RNF213: variants seen among roughly 807,000 people sequenced by gnomAD.
RNF213 encodes E3 ubiquitin-protein ligase RNF213.
RNF213 carries 341 observed loss-of-function variants against 514.4 expected under a neutral mutation model. The ratio of observed to expected loss-of-function variants is 0.66; its 90% CI spans 0.61 to 0.73. The LOEUF (loss-of-function observed/expected upper bound fraction) is 0.73, where lower values mean the gene tolerates loss of function less well. RNF213 is among the 30% of genes least tolerant of loss of function. The pLI, the probability that RNF213 is intolerant of heterozygous loss-of-function variation, is 0.00. For missense variants in RNF213, 5,767 were observed against 6,615.6 expected (o/e 0.87, Z 4.45); for synonymous variants, 2,655 against 2,658.2 (o/e 1.00, Z 0.04).
intron 67 of RNF213, among the ~76,000 whole-genome samples, chr17:80,391,474 CGT>C (rs750449941): frequency 2.6e-4 from 40 of 151,996 alleles, no homozygotes; most frequent in Non-Finnish European, 5.3e-4. Flanking sequence ...GGTTTCTCCA[CGT>C]GGCCAGGCTG....
chr17:80,373,492 GCT>G (rs2079609240), intron 49 of RNF213, among the ~76,000 whole-genome samples: 1 of 151,978 alleles, frequency 6.6e-6, no homozygotes, highest in African/African-American at 2.4e-5. Flanking sequence ...TACACTGCCT[GCT>G]GTAGGGCCAA....
Position 80,319,378 on chromosome 17 carries a change from A to G in RNF213, c.3024+66A>G, listed in dbSNP as rs113759108. On this transcript the variant is annotated intron_variant, in intron 17 of 67. Transcript: ENST00000582970. ...AGCTGTGTTCTGCCATGACCCAGCT[A>G]AGGGCTATGAAGCACCCGCTGGGTC... 6 of 1,614,218 alleles carry G rather than the reference A, an allele frequency of 3.7e-6. No homozygotes were observed. The African/African-American group carries it at 4.0e-5, about 11-fold the overall frequency.
At position 80,374,380 on chromosome 17, in the gene RNF213, G is replaced by C; in HGVS notation, c.12943-78G>C. Reference sequence around the variant, plus strand: ...TTAAACCTCGAATGATCAACCACCTGGTTCCTGTACCCGTTCAGACGGTTC... The same window carrying C: ...TTAAACCTCGAATGATCAACCACCTCGTTCCTGTACCCGTTCAGACGGTTC... On this transcript the variant is annotated intron_variant, in intron 49 of 67. Coordinates refer to ENST00000582970, the MANE Select transcript of RNF213 (RefSeq NM_001256071.3). 2.5e-6 allele frequency: 4 copies of C among 1,589,670 alleles called. No homozygotes were observed. The South Asian group carries it at 3.3e-5, about 13-fold the overall frequency.
At chr17:80,285,827 C>A (rs191881234) in intron 3 of RNF213, among the ~76,000 whole-genome samples, 148 of 152,192 alleles carry the variant, frequency 9.7e-4, no homozygotes, top group African/African-American at 3.1e-3. Flanking sequence ...CCTGCCACCA[C>A]GCCCAGCTAA....
Position 80,389,340 on chromosome 17 carries a change from G to A in RNF213, c.15168G>A (p.Met5056Ile), listed in dbSNP as rs763938536. Residue 5056 changes from methionine to isoleucine, a missense_variant, in exon 65 of 68, where the codon ATG (methionine) becomes ATA (isoleucine). Transcript: ENST00000582970. ...LNVYTQDILQ[M>I]GDQTIHVLKA... ...TGTATACTCAAGACATCCTGCAAAT[G>A]GGTGATCAGACGATTCACGTGTTAA... 1.2e-6 allele frequency: 2 copies of A among 1,614,074 alleles called. No homozygotes were observed. The highest frequency in any genetic ancestry group is 1.7e-6 in the Non-Finnish European group (2 of 1,180,044).
chr17:80,268,369 AAAAAAAAAAAG>A (rs1025842692), intron 2 of RNF213, among the ~76,000 whole-genome samples: 3 of 144,834 alleles, frequency 2.1e-5, no homozygotes, highest in Non-Finnish European at 4.6e-5. Context: ...AAAAAAAAAA[AAAAAAAAAAAG>A]GCAGTACTGC....
rs1209438146 is a variant in RNF213 at position 80,379,665 on chromosome 17, C to T, written c.13591C>T (p.Pro4531Ser). ...EQSICIDCHA[P>S]IGGIDHKPRD... is the part of the protein sequence containing the mutation. Reference sequence around the variant, plus strand: ...GAGCATCTGCATTGACTGCCATGCGCCGATTGGAGGCATTGACCACAAACC... The same window carrying T: ...GAGCATCTGCATTGACTGCCATGCGTCGATTGGAGGCATTGACCACAAACC... The change falls in exon 55 of 68, where the codon CCG becomes TCG. Residue 4531 changes from proline to serine, a missense_variant. By Grantham distance (74) the Pro-to-Ser change is moderately conservative. Around this residue, in one of 13 missense-constraint regions of RNF213, gnomAD observed 1,245 missense variants for 1,339.0 expected, o/e 0.93. Transcript: ENST00000582970. 1 of 1,614,226 alleles carries T rather than the reference C, an allele frequency of 6.2e-7. No individual in the cohort carries two copies. The highest frequency in any genetic ancestry group is 8.5e-7 in the Non-Finnish European group (1 of 1,180,044).
intron 41 of RNF213, 27 bp from the exon 42 acceptor site, chr17:80,364,398 CGAGTGAGT>C (rs563890194): frequency 2.5e-5 from 41 of 1,613,546 alleles, no homozygotes; most frequent in East Asian, 1.1e-4. Context: ...TGGTGGGAGC[CGAGTGAGT>C]GAGTGAGTGG....
chr17:80,375,767 A>G lies in RNF213; in HGVS notation c.13082A>G (p.Lys4361Arg), dbSNP rs887361688. 1.2e-6 allele frequency: 2 copies of G among 1,613,376 alleles called. No homozygotes were observed. The highest frequency in any genetic ancestry group is 2.7e-5 in the African/African-American group (2 of 75,040). Residue 4361 changes from lysine (K) to arginine (R), a missense_variant, in exon 51 of 68, where the codon AAG becomes AGG. By Grantham distance (26) the Lys-to-Arg change is conservative. This residue lies in a region of RNF213 where 1,245 missense variants were observed against 1,339.0 expected (regional missense o/e 0.93). Transcript: ENST00000582970. The part of the protein sequence containing the change: ...LGIKTALKAC[K>R]TPQSQQSAYF... ...ATACCCTTGATTTTGCAGGCCTGCA[A>G]GACCCCCCAAAGCCAGCAGTCAGCC...
In RNF213 at chr17:80,388,971, G is replaced by A. The variant is rs189520709; in HGVS notation, c.15001-202G>A. On this transcript the variant is annotated intron_variant, in intron 64 of 67. Transcript: ENST00000582970. ...TGGAACCGATTTGTTCCTGCTCTCC[G>A]CATGCGGGTACTGATAGGTAGACCT... 3.8e-4 allele frequency: 237 copies of A among 628,284 alleles called. 1 individual carries two copies. In the East Asian group the frequency reaches 4.8e-3, roughly 13 times the overall value. 38.9% of individuals were successfully genotyped at this position (628,284 alleles called of 1,614,324 possible). A position where few individuals can be genotyped will look rare whatever the true frequency, so the allele number is the denominator to read the frequency against.
Position 80,309,030 on chromosome 17 carries a change from G to A in RNF213, c.2514G>A (p.Glu838=). The change falls in exon 14 of 68, where the codon GAG becomes GAA. Residue 838 remains glutamate, a synonymous_variant. Coordinates refer to ENST00000582970, the MANE Select transcript of RNF213 (RefSeq NM_001256071.3). The stretch of plus-strand genomic sequence containing the variant: ...CTTTGCGGGGCAGGATTCCCGAGGA[G>A]GCCTTGTCACCATCCTACCTGACTG... ...LDTYRDKIPE[E]ALSPSYLTVC... is the part of the protein sequence containing the mutation. 6.2e-7 allele frequency: 1 copy of A among 1,614,106 alleles called. No homozygotes were observed. The highest frequency in any genetic ancestry group is 8.5e-7 in the Non-Finnish European group (1 of 1,180,032).
rs1261383499 is a variant in RNF213 at position 80,348,296 on chromosome 17, T to C, written c.9951+10T>C. Reference sequence around the variant, plus strand: ...CGCCATCTTCACAGAGGTGATTGTCTTTCTGCACTTGTACCCTATCCCCTG... The same window carrying C: ...CGCCATCTTCACAGAGGTGATTGTCCTTCTGCACTTGTACCCTATCCCCTG... On this transcript the variant is annotated intron_variant, in intron 29 of 67. Coordinates refer to ENST00000582970, the MANE Select transcript of RNF213 (RefSeq NM_001256071.3). 1.9e-6 allele frequency: 3 copies of C among 1,609,732 alleles called. No homozygotes were observed. The highest frequency in any genetic ancestry group is 2.2e-5 in the East Asian group (1 of 44,886).
chr17:80,349,897 A>T lies in RNF213; in HGVS notation c.10079A>T (p.Lys3360Ile), dbSNP rs771279161. ...TTTGACACCGAGTACTCATTCCTCA[A>T]AGAAGTCCGGTGAGGTTCCCTGCCT... ...QQFDTEYSFL[K>I]EVRNCLTNTA... Residue 3360 changes from lysine (K) to isoleucine (I), a missense_variant, in exon 30 of 68, where the codon AAA becomes ATA. This residue lies in a region of RNF213 where 919 missense variants were observed against 1,121.0 expected (regional missense o/e 0.82). Transcript: ENST00000582970. 1.2e-6 allele frequency: 2 copies of T among 1,613,494 alleles called. No homozygotes were observed. The highest frequency in any genetic ancestry group is 1.7e-6 in the Non-Finnish European group (2 of 1,179,930).
chr17:80,338,403 T>C (rs941468545), intron 25 of RNF213, among the ~76,000 whole-genome samples: 5 of 152,208 alleles, frequency 3.3e-5, no homozygotes, highest in Non-Finnish European at 7.4e-5. Context: ...AGTAATCATA[T>C]TGAGAATGGT....
Position 80,287,838 on chromosome 17 carries a change from G to T in RNF213, c.285G>T (p.Lys95Asn), listed in dbSNP as rs1470971583. ...VQESKKKKRK[K>N]KKKGNKSASS... ...AGAGCAAAAAGAAGAAAAGGAAGAA[G>T]AAAAAGAAGGGGAACAAGTCCGCTT... is the stretch of plus-strand genomic sequence containing the variant. Residue 95 changes from lysine to asparagine, a missense_variant, in exon 4 of 68, where the codon AAG becomes AAT. By Grantham distance (94) the Lys-to-Asn change is moderately conservative (BLOSUM62 0). Around this residue, in one of 13 missense-constraint regions of RNF213, gnomAD observed 509 missense variants for 496.7 expected, o/e 1.02. Coordinates refer to ENST00000582970, the MANE Select transcript of RNF213 (RefSeq NM_001256071.3). 1 of 1,611,370 alleles carries T rather than the reference G, an allele frequency of 6.2e-7. No individual in the cohort carries two copies. Among genetic ancestry groups the T allele is most frequent in the Admixed American group, 1.7e-5 (1 of 59,904 alleles).
At position 80,346,561 on chromosome 17, in the gene RNF213, C is replaced by T. The variant is rs749844703; in HGVS notation, c.8226C>T (p.Ile2742=). The T allele has an allele frequency of 2.7e-5, 44 of 1,613,230 alleles. No individual in the cohort carries two copies. Among genetic ancestry groups the T allele is most frequent in the Non-Finnish European group, 3.5e-5 (41 of 1,180,056 alleles). The change falls in exon 29 of 68, where the codon ATC becomes ATT. Residue 2742 remains isoleucine (I), a synonymous_variant. Coordinates refer to ENST00000582970, the MANE Select transcript of RNF213 (RefSeq NM_001256071.3). The surrounding 1 kb of genome is among the most constrained non-coding windows in gnomAD (Gnocchi z 8.1). ...FLDGVPLRKT[I]AKNLALKENV... ...ACGGCGTACCTCTGAGGAAAACCAT[C>T]GCCAAGAACTTGGCCTTGAAGGAGA...
chr17:80,271,460 C>T (rs1190562825), intron 2 of RNF213, among the ~76,000 whole-genome samples: 1 of 152,074 alleles, frequency 6.6e-6, no homozygotes, highest in Non-Finnish European at 1.5e-5. Context: ...GATGAAGTGT[C>T]CAGACAGGGG....
chr17:80,281,550 C>G (rs1378257488), intron 3 of RNF213, among the ~76,000 whole-genome samples: 10 of 53,340 alleles, frequency 1.9e-4, no homozygotes, highest in Non-Finnish European at 4.4e-4. Flanking sequence ...CACTCACACA[C>G]CCCCCAAGAC....
intron 11 of RNF213, among the ~76,000 whole-genome samples, chr17:80,302,598 A>G (rs887294297): frequency 2.0e-5 from 3 of 152,192 alleles, no homozygotes; most frequent in Admixed American, 6.5e-5. Context: ...GCTCATGCCT[A>G]TAATCCCAGT....
Sources: gnomAD v4.1 joint callset for allele counts (sites outside exome capture counted in the v4.1 genomes callset) on GRCh38, gnomAD v4.1.1 for gene constraint, gnomAD v4.1.1 regional missense constraint, Gnocchi (gnomAD v3.1) non-coding constraint, MANE v1.5 for transcripts, NCBI Gene and HGNC (gene_info 2026-07-23, HGNC 2026-07-21) for gene names.